The following LNX1 variants were observed in gnomAD, a reference collection of about 807,000 sequenced individuals.
LNX1 encodes the protein ligand of numb-protein X 1.
LNX1 carries 54 observed loss-of-function variants against 68.4 expected under a neutral mutation model. The ratio of observed to expected loss-of-function variants is 0.79; its 90% CI spans 0.63 to 0.99. The LOEUF (loss-of-function observed/expected upper bound fraction) is 0.99. Ranked by LOEUF, LNX1 falls within the 50% of genes least tolerant of loss-of-function variation. The probability of loss-of-function intolerance (pLI) is 0.00; values close to 1 mark genes in which losing one functional copy is unlikely to be tolerated. For missense variants in LNX1, 906 were observed against 926.4 expected, an observed-to-expected ratio of 0.98 and a Z score of 0.29; for synonymous variants, 336 against 350.0, an observed-to-expected ratio of 0.96 and a Z score of 0.45.
intron 2 of LNX1, among the ~76,000 whole-genome samples, chr4:53,615,153 G>T (rs1476352433): frequency 7.2e-5 from 11 of 152,326 alleles, no homozygotes; most frequent in Admixed American, 4.6e-4. Flanking sequence ...AAAACAGGCT[G>T]TGGGAGATTT....
In LNX1 at chr4:53,487,289, T is replaced by G. The variant is rs1724373597; in HGVS notation, c.1351-5435A>C. On this transcript the variant is annotated intron_variant, in intron 6 of 10. Transcript: ENST00000263925. Reference sequence around the variant, plus strand: ...GAAAACGTACAGGGGGAGTAAGAACTGGTCAAGTACCTGTTCTCATCCAGC... The same window carrying G: ...GAAAACGTACAGGGGGAGTAAGAACGGGTCAAGTACCTGTTCTCATCCAGC... Among the ~76,000 whole-genome samples, 7 of 152,252 alleles carry G rather than the reference T, an allele frequency of 4.6e-5. No individual in the cohort carries two copies. The South Asian group carries it at 1.4e-3, about 31-fold the overall frequency.
chr4:53,542,181 C>T (rs1450311569), intron 2 of LNX1, among the ~76,000 whole-genome samples: 1 of 152,094 alleles, frequency 6.6e-6, no homozygotes, highest in Non-Finnish European at 1.5e-5. Context: ...CAATTGTCAG[C>T]TTGAAAAATT....
chr4:53,506,838 G>A (rs1390898021), intron 4 of LNX1, among the ~76,000 whole-genome samples: 11 of 64,466 alleles, frequency 1.7e-4, no homozygotes, highest in Admixed American at 1.4e-3. Context: ...CAGCCTGGGC[G>A]ACAAGCAAAA....
chr4:53,468,749 C>T (rs568682682), intron 9 of LNX1, among the ~76,000 whole-genome samples: 11 of 150,990 alleles, frequency 7.3e-5, no homozygotes, highest in Middle Eastern at 3.4e-3. Context: ...AAGAAGGCCA[C>T]TACATAATGG....
chr4:53,470,369 C>G (rs1211105742), intron 9 of LNX1, among the ~76,000 whole-genome samples: 3 of 152,024 alleles, frequency 2.0e-5, no homozygotes, highest in African/African-American at 7.3e-5. Flanking sequence ...TGTGACAAAC[C>G]CACAGCCAAT....
chr4:53,624,238 C>T (rs968286363), intron 1 of LNX1, among the ~76,000 whole-genome samples: 1 of 152,130 alleles, frequency 6.6e-6, no homozygotes, highest in Non-Finnish European at 1.5e-5. Context: ...GTGTCCCCAC[C>T]CAAATCTCAC....
chr4:53,498,749 C>A lies in LNX1; in HGVS notation c.870G>T (p.Leu290=), dbSNP rs1725258283. The A allele has an allele frequency of 6.2e-7, 1 of 1,613,894 alleles. No individual in the cohort carries two copies. Among genetic ancestry groups the A allele is most frequent in the African/African-American group, 1.3e-5 (1 of 75,020 alleles). The change falls in exon 5 of 11, where the codon CTG becomes CTT. Residue 290 remains leucine (L), a synonymous_variant. Transcript: ENST00000263925. ...CCAGTGGGGTTTCGCTACCTCCCAC[C>A]AGCCTAATAGAGAGGCTTTCACTGG... ...VDPSESLSIR[L]VGGSETPLVH...
chr4:53,539,742 A>G (rs1728621821), intron 2 of LNX1, among the ~76,000 whole-genome samples: 1 of 152,250 alleles, frequency 6.6e-6, no homozygotes. Flanking sequence ...GTCTCTAAAT[A>G]CCAGGACTGC....
At chr4:53,461,709 G>T in intron 9 of LNX1, 116 bp from the exon 10 acceptor site, 1 of 692,738 alleles carries the variant, frequency 1.4e-6, no homozygotes, top group Non-Finnish European at 2.3e-6. Flanking sequence ...AAGTACCACT[G>T]CATAGGTCCC....
chr4:53,611,453 G>A (rs1350757124), intron 2 of LNX1, among the ~76,000 whole-genome samples: 2 of 152,046 alleles, frequency 1.3e-5, no homozygotes, highest in Admixed American at 6.6e-5. Flanking sequence ...TGGGTATTTC[G>A]GGTTTGTTTG....
chr4:53,523,059 C>T (rs1245955620), intron 2 of LNX1: 2 of 152,210 alleles, frequency 1.3e-5, no homozygotes, highest in East Asian at 3.9e-4. Flanking sequence ...TATGAGATAC[C>T]TCAGATCAAT....
intron 1 of LNX1, among the ~76,000 whole-genome samples, chr4:53,648,820 G>C (rs1734985312): frequency 1.3e-5 from 2 of 152,140 alleles, no homozygotes; most frequent in African/African-American, 2.4e-5. Context: ...ACACATTCAT[G>C]GTGCAGAATT....
chr4:53,646,052 T>G (rs1049145270), intron 1 of LNX1, among the ~76,000 whole-genome samples: 1 of 152,198 alleles, frequency 6.6e-6, no homozygotes, highest in African/African-American at 2.4e-5. Context: ...TCCCTTTTGC[T>G]TTGGTTGCCA....
intron 1 of LNX1, among the ~76,000 whole-genome samples, chr4:53,634,188 T>G (rs748607930): frequency 2.0e-5 from 3 of 151,896 alleles, no homozygotes; most frequent in Non-Finnish European, 4.4e-5. Context: ...ATTGTAATTA[T>G]GATTTTCACA....
At chr4:53,589,807 G>A (rs1331249486) in intron 1 of LNX1, among the ~76,000 whole-genome samples, 1 of 152,222 alleles carries the variant, frequency 6.6e-6, no homozygotes, top group Non-Finnish European at 1.5e-5. Flanking sequence ...TAGTCAATCT[G>A]ACTCTGAATT....
intron 1 of LNX1, among the ~76,000 whole-genome samples, chr4:53,635,955 G>A (rs1734456605): frequency 6.6e-6 from 1 of 152,190 alleles, no homozygotes; most frequent in Non-Finnish European, 1.5e-5. Flanking sequence ...TACGGCCAGT[G>A]ATGGGGAATT....
Position 53,478,558 on chromosome 4 carries a change from T to A in LNX1, c.1663+7A>T, listed in dbSNP as rs1723715794. On this transcript the variant is annotated splice_region_variant and intron_variant, in intron 8 of 10. Transcript: ENST00000263925. The stretch of plus-strand genomic sequence containing the variant: ...CCCAGTGCCTTTAAAATCCCTTTAC[T>A]TTTTACCTGTTTTTATTCTTCCATC... 2 of 1,603,498 alleles carry A rather than the reference T, an allele frequency of 1.2e-6. No homozygotes were observed. The highest frequency in any genetic ancestry group is 1.7e-6 in the Non-Finnish European group (2 of 1,173,666).
At chr4:53,524,653 T>C (rs1335231041) in intron 2 of LNX1, among the ~76,000 whole-genome samples, 1 of 152,194 alleles carries the variant, frequency 6.6e-6, no homozygotes, top group Non-Finnish European at 1.5e-5. Flanking sequence ...CAGGGCTGAC[T>C]CAATTCCTAG....
At chr4:53,622,126 A>G (rs183806864), upstream of LNX1, among the ~76,000 whole-genome samples, 3 of 152,272 alleles carry the variant, frequency 2.0e-5, no homozygotes, top group East Asian at 3.9e-4. Flanking sequence ...ATTTCCCTAG[A>G]TATTTTTAAA....
Sources: gnomAD v4.1 joint callset for allele counts (sites outside exome capture counted in the v4.1 genomes callset) on GRCh38, gnomAD v4.1.1 for gene constraint, MANE v1.5 for transcripts, NCBI Gene and HGNC (gene_info 2026-07-23, HGNC 2026-07-21) for gene names.